Variants in PSD3 observed in about 807,000 individuals in gnomAD.
The protein encoded by PSD3 is PH and SEC7 domain-containing protein 3.
PSD3 carries 49 observed loss-of-function variants against 105.5 expected under a neutral mutation model. That is an observed-to-expected ratio of 0.46 (90% confidence interval 0.37 to 0.59). PSD3 has a LOEUF of 0.59. Among genes scored for constraint, PSD3 ranks in the 20% least tolerant of loss-of-function variants. PSD3 has a pLI of 0.00. For missense variants in PSD3, 1,561 were observed against 1,263.8 expected (o/e 1.24, Z -3.57); for synonymous variants, 557 against 457.8 (o/e 1.22, Z -2.77).
intron 1 of PSD3, among the ~76,000 whole-genome samples, chr8:18,953,487 G>A (rs1182337487): frequency 1.3e-5 from 2 of 152,114 alleles, no homozygotes; most frequent in Non-Finnish European, 2.9e-5. Context: ...GGTGGCTCAC[G>A]CCTGTAATCC....
At chr8:18,592,506 G>C (rs76941926) in intron 12 of PSD3, among the ~76,000 whole-genome samples, 230 of 152,230 alleles carry the variant, frequency 1.5e-3, no homozygotes, top group African/African-American at 4.9e-3. Context: ...GATTCGAGAA[G>C]CCTAATGACA....
At chr8:18,620,115 C>T (rs952980253) in intron 11 of PSD3, among the ~76,000 whole-genome samples, 1 of 152,188 alleles carries the variant, frequency 6.6e-6, no homozygotes, top group Non-Finnish European at 1.5e-5. Flanking sequence ...TCTTCAAGTC[C>T]TCAGACAACA....
chr8:19,009,070 C>G (rs1288451241), intron 1 of PSD3, among the ~76,000 whole-genome samples: 1 of 152,114 alleles, frequency 6.6e-6, no homozygotes, highest in Non-Finnish European at 1.5e-5. Flanking sequence ...ATTGTGAATT[C>G]CAATTAATGA....
intron 1 of PSD3, among the ~76,000 whole-genome samples, chr8:19,025,550 G>A (rs375317966): frequency 4.6e-5 from 7 of 152,282 alleles, no homozygotes; most frequent in African/African-American, 1.7e-4. Flanking sequence ...AAGAGCCTGG[G>A]CACTGGCCAG....
chr8:18,759,115 CTT>C (rs1369838121), intron 9 of PSD3, among the ~76,000 whole-genome samples: 8 of 151,736 alleles, frequency 5.3e-5, no homozygotes, highest in Admixed American at 3.3e-4. Context: ...CTCTCTCTCT[CTT>C]TCTTCCACAT....
chr8:19,051,466 C>T (rs777120541), intron 1 of PSD3, among the ~76,000 whole-genome samples: 6 of 152,162 alleles, frequency 3.9e-5, no homozygotes, highest in Non-Finnish European at 7.3e-5. Flanking sequence ...CTCCATCACC[C>T]CACATAGTGC....
chr8:18,731,181 G>A (rs1029971814), intron 9 of PSD3, among the ~76,000 whole-genome samples: 6 of 152,098 alleles, frequency 3.9e-5, no homozygotes, highest in Admixed American at 2.0e-4. Flanking sequence ...GCTTGAACCC[G>A]GGAAGCGGAG....
intron 1 of PSD3, among the ~76,000 whole-genome samples, chr8:19,070,242 C>T (rs1829208244): frequency 6.6e-6 from 1 of 151,840 alleles, no homozygotes; most frequent in Non-Finnish European, 1.5e-5. Flanking sequence ...TGTGATACGC[C>T]TAGCAAGGTT....
intron 9 of PSD3, among the ~76,000 whole-genome samples, chr8:18,756,903 C>A (rs1806091587): frequency 6.7e-6 from 1 of 148,454 alleles, no homozygotes; most frequent in African/African-American, 2.4e-5. Flanking sequence ...AGCCCAGCGA[C>A]TTCCATAACC....
chr8:18,631,193 G>A (rs751418919), intron 11 of PSD3, among the ~76,000 whole-genome samples: 3 of 151,982 alleles, frequency 2.0e-5, no homozygotes, highest in Non-Finnish European at 4.4e-5. Context: ...AAACTGCAAT[G>A]TTTGGCAAAA....
At chr8:18,583,075 C>T (rs945282193) in intron 12 of PSD3, among the ~76,000 whole-genome samples, 1 of 152,116 alleles carries the variant, frequency 6.6e-6, no homozygotes, top group Non-Finnish European at 1.5e-5. Context: ...ATCCACCCGC[C>T]TCAGCCTCCC....
At chr8:18,831,911 G>C (rs916180588) in intron 4 of PSD3, among the ~76,000 whole-genome samples, 2 of 151,792 alleles carry the variant, frequency 1.3e-5, no homozygotes. Context: ...AAAAAAAATA[G>C]AAAAAGTATG....
intron 12 of PSD3, among the ~76,000 whole-genome samples, chr8:18,584,578 A>G (rs1340649064): frequency 2.6e-5 from 4 of 152,228 alleles, no homozygotes; most frequent in Admixed American, 2.6e-4. Context: ...CCTACAACCT[A>G]TTATACTAAC....
At chr8:18,558,088 G>T (rs1801185808) in intron 14 of PSD3, among the ~76,000 whole-genome samples, 1 of 152,196 alleles carries the variant, frequency 6.6e-6, no homozygotes, top group African/African-American at 2.4e-5. Context: ...CACCAACTCT[G>T]CTGGCACCTT....
At chr8:18,644,126 T>C (rs1807857766) in intron 10 of PSD3, among the ~76,000 whole-genome samples, 1 of 152,228 alleles carries the variant, frequency 6.6e-6, no homozygotes, top group African/African-American at 2.4e-5. Flanking sequence ...GGGGTCATTC[T>C]CCCATTGTCT....
At chr8:18,785,120 T>C (rs1563264518) in intron 8 of PSD3, among the ~76,000 whole-genome samples, 2 of 152,168 alleles carry the variant, frequency 1.3e-5, no homozygotes, top group African/African-American at 2.4e-5. Context: ...AGAACTGCTG[T>C]CACTCAGGAG....
At chr8:18,788,815 G>C (rs1809429189) in intron 8 of PSD3, among the ~76,000 whole-genome samples, 1 of 152,104 alleles carries the variant, frequency 6.6e-6, no homozygotes, top group South Asian at 2.1e-4. Flanking sequence ...TCAGTTATGT[G>C]GCTCTGCTGA....
In PSD3 at chr8:18,723,302, C is replaced by A. The variant is rs1213902438; in HGVS notation, c.2172+42147G>T. Among the ~76,000 whole-genome samples the A allele has an allele frequency of 3.3e-5, 5 of 152,208 alleles. No individual in the cohort carries two copies. The East Asian group carries it at 9.6e-4, about 29-fold the overall frequency. ...ACTCTCTGCATAGAAAGCTAAGTGC[C>A]ATAAGTAATACTTAGGAATGAGCTG... On this transcript the variant is annotated intron_variant, in intron 9 of 15. Transcript: ENST00000327040.
chr8:18,836,741 T>C (rs1814141400), intron 4 of PSD3, among the ~76,000 whole-genome samples: 1 of 152,052 alleles, frequency 6.6e-6, no homozygotes, highest in Non-Finnish European at 1.5e-5. Context: ...CTGAATACAA[T>C]GCAAATGCTA....
Sources: allele counts gnomAD v4.1 joint callset (sites outside exome capture counted in the v4.1 genomes callset), GRCh38; gene constraint gnomAD v4.1.1; transcripts MANE v1.5; gene names NCBI Gene and HGNC (gene_info 2026-07-23, HGNC 2026-07-21).